The following PRKN variants were observed in gnomAD, a reference collection of about 807,000 sequenced individuals.
PRKN encodes the protein parkin RBR E3 ubiquitin protein ligase.
In PRKN, 56 loss-of-function variants were observed where a neutral mutation model predicts 59.5. The ratio of observed to expected loss-of-function variants is 0.94; its 90% confidence interval spans 0.76 to 1.18. The LOEUF (loss-of-function observed/expected upper bound fraction) is 1.18. Among genes scored for constraint, PRKN ranks in the 50% most tolerant of loss-of-function variants. The probability of loss-of-function intolerance (pLI) is 0.00; values close to 1 mark genes in which losing one functional copy is unlikely to be tolerated. For missense variants in PRKN, 657 were observed against 596.4 expected (o/e 1.10, Z -1.06); for synonymous variants, 250 against 222.1 (o/e 1.13, Z -1.12).
At chr6:161,508,751 C>A (rs891880261) in intron 9 of PRKN, among the ~76,000 whole-genome samples, 1 of 150,520 alleles carries the variant, frequency 6.6e-6, no homozygotes, top group Admixed American at 6.6e-5. Context: ...TTATCTGTAG[C>A]CTACTTTTTT....
chr6:162,611,984 G>T (rs918852139), intron 1 of PRKN, among the ~76,000 whole-genome samples: 4 of 151,220 alleles, frequency 2.6e-5, no homozygotes, highest in African/African-American at 9.7e-5. Flanking sequence ...AGGAGATCGA[G>T]ACCATCCTGG....
intron 9 of PRKN, among the ~76,000 whole-genome samples, chr6:161,511,929 G>A (rs1778408080): frequency 6.6e-6 from 1 of 152,330 alleles, no homozygotes; most frequent in East Asian, 1.9e-4. Context: ...ACGATCCGCG[G>A]GAAGGCTAGA....
In PRKN at chr6:161,390,959, C is replaced by T. The variant is rs1029673013; in HGVS notation, c.1084-4082G>A. 2.6e-5 allele frequency among the ~76,000 whole-genome samples: 4 copies of T among 152,108 alleles called. No individual in the cohort carries two copies. The highest frequency in any genetic ancestry group is 1.9e-4 in the East Asian group (1 of 5,180). On this transcript the variant is annotated intron_variant, in intron 9 of 11. Coordinates refer to ENST00000366898, the MANE Select transcript of PRKN (RefSeq NM_004562.3). The surrounding 1 kb of genome is among the most constrained non-coding windows in gnomAD (Gnocchi z 7.0). ...GGCATTTCTTTTGGCCTAGAAATAC[C>T]GTGAAAAATGTACTGAACCGCTAAG...
At chr6:161,432,544 T>C (rs906811065) in intron 9 of PRKN, among the ~76,000 whole-genome samples, 1 of 148,518 alleles carries the variant, frequency 6.7e-6, no homozygotes, top group Non-Finnish European at 1.5e-5. Context: ...TTTTTTTTTT[T>C]TTTTTTTTTG....
intron 8 of PRKN, among the ~76,000 whole-genome samples, chr6:161,567,436 G>A (rs537873096): frequency 6.6e-6 from 1 of 152,118 alleles, no homozygotes; most frequent in South Asian, 2.1e-4. Context: ...ATATAATATG[G>A]TTTTCTCTAA....
In PRKN at chr6:161,754,312, G is replaced by A. The variant is rs371269507; in HGVS notation, c.871+31460C>T. 3.9e-5 allele frequency among the ~76,000 whole-genome samples: 6 copies of A among 152,162 alleles called. No homozygotes were observed. In the East Asian group the frequency reaches 1.2e-3, roughly 30 times the overall value. The stretch of plus-strand genomic sequence containing the variant: ...GCTGAGAGGACACCAGCTTGACTCC[G>A]AGGGCCTAGGAGATGTGGAGAGGGA... On this transcript the variant is annotated intron_variant, in intron 7 of 11. Coordinates refer to ENST00000366898, the MANE Select transcript of PRKN (RefSeq NM_004562.3).
In PRKN at chr6:161,666,965, T is replaced by C. The variant is rs138993744; in HGVS notation, c.872-97549A>G. Among the ~76,000 whole-genome samples, 3 of 152,308 alleles carry C rather than the reference T, an allele frequency of 2.0e-5. No homozygotes were observed. In the South Asian group the frequency reaches 6.2e-4, roughly 32 times the overall value. On this transcript the variant is annotated intron_variant, in intron 7 of 11. Transcript: ENST00000366898. ...ACCTTCTGTGCAAGAGCCAGGCACA[T>C]GGGTAACTCCAGGCTTTACCCCATG...
intron 6 of PRKN, among the ~76,000 whole-genome samples, chr6:161,962,727 G>A (rs1488220961): frequency 1.3e-5 from 2 of 151,818 alleles, no homozygotes; most frequent in Non-Finnish European, 2.9e-5. Context: ...AGTAGAGACG[G>A]GGGTTTGCCA....
chr6:162,574,427 T>C (rs955330450), intron 1 of PRKN, among the ~76,000 whole-genome samples: 2 of 152,234 alleles, frequency 1.3e-5, no homozygotes, highest in African/African-American at 2.4e-5. Context: ...TACATTTACA[T>C]CATGATATTC....
chr6:161,548,908 C>CG lies in PRKN; in HGVS notation c.1028dup (p.Glu344GlyfsTer3). The CG allele has an allele frequency of 6.2e-7, 1 of 1,614,160 alleles. No individual in the cohort carries two copies. The highest frequency in any genetic ancestry group is 8.5e-7 in the Non-Finnish European group (1 of 1,180,024). On this transcript the variant is annotated frameshift_variant, in exon 9 of 12. Transcript: ENST00000366898. LOFTEE classifies it high-confidence loss of function. This position sits in a 1 kb window ranked among gnomAD's most constrained non-coding sequence, Gnocchi z 4.2. ...AGGTGACTTTCCTCTGGTCAGGCTC[C>CG]GGCAGCAGCCCCGCTCCACAGCCAG...
intron 1 of PRKN, among the ~76,000 whole-genome samples, chr6:162,642,910 A>C (rs117468541): frequency 0.025 from 3,781 of 152,186 alleles, 65 homozygotes; most frequent in Non-Finnish European, 0.04. Flanking sequence ...ATGAATATTT[A>C]CTGAATTCAT....
At chr6:162,703,597 C>T (rs1384415841) in intron 1 of PRKN, among the ~76,000 whole-genome samples, 1 of 152,126 alleles carries the variant, frequency 6.6e-6, no homozygotes. Context: ...GTGTCAGGCA[C>T]GGGGCTAAGA....
At chr6:161,799,804 C>G (rs370754639) in intron 6 of PRKN, among the ~76,000 whole-genome samples, 1 of 152,196 alleles carries the variant, frequency 6.6e-6, no homozygotes, top group Admixed American at 6.5e-5. Flanking sequence ...GGGGATGGGA[C>G]ATTTGCATTG....
At chr6:161,940,999 G>A (rs534628560) in intron 6 of PRKN, among the ~76,000 whole-genome samples, 13 of 152,314 alleles carry the variant, frequency 8.5e-5, no homozygotes, top group South Asian at 8.3e-4. Context: ...ATTGAAAGAG[G>A]CCATACTGAT....
rs1373188787 is a variant in PRKN at position 162,606,124 on chromosome 6, GAACA to G, written c.7+121534_7+121537del. Among the ~76,000 whole-genome samples the G allele has an allele frequency of 6.6e-5, 10 of 152,244 alleles. 1 individual carries two copies. The South Asian group carries it at 8.3e-4, about 13-fold the overall frequency. ...TTTGAAGAAGAAGCAAAATAGATGT[GAACA>G]AACAAATTCGTAGATTAACCACTCT... On this transcript the variant is annotated intron_variant, in intron 1 of 11. Coordinates refer to ENST00000366898, the MANE Select transcript of PRKN (RefSeq NM_004562.3).
Position 161,352,765 on chromosome 6 carries a change from A to G in PRKN, c.1286-2554T>C, listed in dbSNP as rs556583496. Among the ~76,000 whole-genome samples, 23 of 109,366 alleles carry G rather than the reference A, an allele frequency of 2.1e-4. No individual in the cohort carries two copies. The South Asian group carries it at 4.8e-3, about 23-fold the overall frequency. 71.7% of individuals were successfully genotyped at this position (109,366 alleles called of 152,430 possible). A position where few individuals can be genotyped will look rare whatever the true frequency, so the allele number is the denominator to read the frequency against. On this transcript the variant is annotated intron_variant, in intron 11 of 11. Transcript: ENST00000366898. This position sits in a 1 kb window ranked among gnomAD's most constrained non-coding sequence, Gnocchi z 5.8. Reference sequence around the variant, plus strand: ...TGTGTGTGTGTGTGTGTATATATATATATATATTTTATTTTATTTTATTTT... The same window carrying G: ...TGTGTGTGTGTGTGTGTATATATATGTATATATTTTATTTTATTTTATTTT...
chr6:162,267,635 C>A (rs1179006440), intron 2 of PRKN, among the ~76,000 whole-genome samples: 1 of 152,090 alleles, frequency 6.6e-6, no homozygotes, highest in Non-Finnish European at 1.5e-5. Flanking sequence ...AAGGCAGTAA[C>A]AAATTCTTCA....
At chr6:161,478,887 T>C (rs1791254252) in intron 9 of PRKN, among the ~76,000 whole-genome samples, 1 of 152,204 alleles carries the variant, frequency 6.6e-6, no homozygotes, top group South Asian at 2.1e-4. Flanking sequence ...AACAAGTAAA[T>C]AAGTTTTATG....
chr6:161,858,858 C>CT (rs71544920), intron 6 of PRKN, among the ~76,000 whole-genome samples: 1,233 of 71,930 alleles, frequency 0.017, 114 homozygotes, highest in African/African-American at 0.05. Context: ...CACAGCTGTA[C>CT]TTTTTTTTTT....
Sources: allele counts gnomAD v4.1 joint callset (sites outside exome capture counted in the v4.1 genomes callset), GRCh38; gene constraint gnomAD v4.1.1; non-coding constraint Gnocchi (gnomAD v3.1); transcripts MANE v1.5; gene names NCBI Gene and HGNC (gene_info 2026-07-23, HGNC 2026-07-21).